GALNT7: variants seen among roughly 807,000 people sequenced by gnomAD.
The protein encoded by GALNT7 is N-acetylgalactosaminyltransferase 7.
Under a neutral mutation model 82.1 loss-of-function variants are expected in GALNT7, and 60 were observed. That is an observed-to-expected ratio of 0.73 (90% CI 0.59 to 0.91). The LOEUF is 0.91. Among genes scored for constraint, GALNT7 ranks in the 40% least tolerant of loss-of-function variants. GALNT7 has a pLI of 0.00. For missense variants in GALNT7, 660 were observed against 804.2 expected (o/e 0.82, Z 2.17); for synonymous variants, 243 against 275.1 (o/e 0.88, Z 1.15).
chr4:173,278,736 A>G (rs1490344038), intron 2 of GALNT7, among the ~76,000 whole-genome samples: 5 of 152,230 alleles, frequency 3.3e-5, no homozygotes, highest in Admixed American at 2.6e-4. Flanking sequence ...TTATACTTTT[A>G]AAGGAATTAT....
chr4:173,208,545 C>T (rs528403962), intron 1 of GALNT7, among the ~76,000 whole-genome samples: 4 of 152,246 alleles, frequency 2.6e-5, no homozygotes, highest in African/African-American at 9.6e-5. Context: ...CCTCCGCACC[C>T]GCAGACTGAG....
intron 1 of GALNT7, among the ~76,000 whole-genome samples, chr4:173,247,473 C>T (rs1038547478): frequency 3.3e-5 from 5 of 151,892 alleles, no homozygotes; most frequent in Admixed American, 6.6e-5. Context: ...TGCATATCCC[C>T]GCCTTGTTCC....
In GALNT7 at chr4:173,298,108, A is replaced by G; in HGVS notation, c.966-7A>G. On this transcript the variant is annotated splice_polypyrimidine_tract_variant and splice_region_variant and intron_variant, in intron 5 of 11. Coordinates refer to ENST00000265000, the MANE Select transcript of GALNT7 (RefSeq NM_017423.3). Reference sequence around the variant, plus strand: ...ATTTGATCTTTGCTGCCATCAACACAATACAGAACCATTTGCACTGTGCCG... The same window carrying G: ...ATTTGATCTTTGCTGCCATCAACACGATACAGAACCATTTGCACTGTGCCG... 2 of 1,613,778 alleles carry G rather than the reference A, an allele frequency of 1.2e-6. No individual in the cohort carries two copies. Among genetic ancestry groups the G allele is most frequent in the Non-Finnish European group, 1.7e-6 (2 of 1,179,824 alleles).
Position 173,248,263 on chromosome 4 carries a change from C to T in GALNT7, c.410C>T (p.Pro137Leu). Residue 137 changes from proline to leucine, a missense_variant, in exon 2 of 12, where the codon CCC becomes CTC. Transcript: ENST00000265000. Reference protein sequence around the residue: ...LRPGILGNFEPKEPEPPGVVG... With the variant: ...LRPGILGNFELKEPEPPGVVG... ...CCAGGGATCCTCGGTAACTTTGAAC[C>T]CAAAGAACCTGAGCCTCCTGGAGTG... 1 of 1,613,936 alleles carries T rather than the reference C, an allele frequency of 6.2e-7. No homozygotes were observed. Among genetic ancestry groups the T allele is most frequent in the Non-Finnish European group, 8.5e-7 (1 of 1,179,882 alleles).
intron 1 of GALNT7, among the ~76,000 whole-genome samples, chr4:173,240,313 A>G (rs1734380921): frequency 6.6e-6 from 1 of 150,690 alleles, no homozygotes; most frequent in Non-Finnish European, 1.5e-5. Context: ...TTACTAATGT[A>G]TCTACTTGAA....
intron 2 of GALNT7, among the ~76,000 whole-genome samples, chr4:173,288,687 A>T (rs1313133147): frequency 2.0e-5 from 3 of 152,100 alleles, no homozygotes; most frequent in African/African-American, 7.2e-5. Flanking sequence ...AAGGAGAAGG[A>T]AACAATCCAA....
intron 1 of GALNT7, among the ~76,000 whole-genome samples, chr4:173,194,785 C>A (rs1239591391): frequency 6.6e-6 from 1 of 152,068 alleles, no homozygotes; most frequent in African/African-American, 2.4e-5. Context: ...GCTTTCCCTC[C>A]CCGCTTCCCC....
intron 1 of GALNT7, among the ~76,000 whole-genome samples, chr4:173,232,302 A>G (rs1734054809): frequency 6.6e-6 from 1 of 152,140 alleles, no homozygotes; most frequent in Non-Finnish European, 1.5e-5. Context: ...ATATACTAGA[A>G]AGCAGTGGTT....
intron 1 of GALNT7, among the ~76,000 whole-genome samples, chr4:173,173,379 G>A (rs1390632391): frequency 6.6e-6 from 1 of 152,110 alleles, no homozygotes; most frequent in East Asian, 1.9e-4. Context: ...TTTATCCCAG[G>A]TTTTAGCCCT....
intron 1 of GALNT7, among the ~76,000 whole-genome samples, chr4:173,237,869 A>G (rs889819719): frequency 6.6e-6 from 1 of 152,160 alleles, no homozygotes. Context: ...TAGCTCTTCT[A>G]GGTACTAAAG....
At chr4:173,173,374 C>T (rs1731938748) in intron 1 of GALNT7, among the ~76,000 whole-genome samples, 1 of 152,000 alleles carries the variant, frequency 6.6e-6, no homozygotes, top group Non-Finnish European at 1.5e-5. Flanking sequence ...CACCATTTAT[C>T]CCAGGTTTTA....
At chr4:173,296,734 G>C (rs1269718515) in intron 5 of GALNT7, among the ~76,000 whole-genome samples, 2 of 152,202 alleles carry the variant, frequency 1.3e-5, no homozygotes, top group African/African-American at 4.8e-5. Context: ...AATCATAAGT[G>C]AGGACAGTTA....
chr4:173,178,345 C>T (rs1732140157), intron 1 of GALNT7, among the ~76,000 whole-genome samples: 3 of 151,858 alleles, frequency 2.0e-5, no homozygotes, highest in African/African-American at 2.4e-5. Flanking sequence ...AAAATGTATG[C>T]TCAGCATTTC....
intron 1 of GALNT7, among the ~76,000 whole-genome samples, chr4:173,198,194 G>C (rs1443808070): frequency 6.6e-6 from 1 of 150,864 alleles, no homozygotes; most frequent in Non-Finnish European, 1.5e-5. Context: ...CAAGTAGCTG[G>C]GACTACAGGT....
chr4:173,203,124 C>G (rs1480339558), intron 1 of GALNT7, among the ~76,000 whole-genome samples: 1 of 150,844 alleles, frequency 6.6e-6, no homozygotes, highest in Non-Finnish European at 1.5e-5. Context: ...GAGACGGAGT[C>G]TCGCTCTGTC....
At chr4:173,306,616 G>A (rs1737164070) in intron 8 of GALNT7, among the ~76,000 whole-genome samples, 1 of 152,120 alleles carries the variant, frequency 6.6e-6, no homozygotes, top group Non-Finnish European at 1.5e-5. Context: ...TGATTATATG[G>A]TTTTTGTCCT....
At chr4:173,170,139 G>T (rs1731809844) in intron 1 of GALNT7, among the ~76,000 whole-genome samples, 1 of 152,132 alleles carries the variant, frequency 6.6e-6, no homozygotes, top group Non-Finnish European at 1.5e-5. Context: ...GCTTCCCCCC[G>T]GATGAACCGT....
intron 1 of GALNT7, among the ~76,000 whole-genome samples, chr4:173,178,057 G>GCA (rs1491342359): frequency 2.0e-4 from 28 of 139,946 alleles, no homozygotes; most frequent in African/African-American, 8.0e-4. Flanking sequence ...GTGTGTGCGC[G>GCA]CACGCGCGTG....
At chr4:173,256,496 C>T (rs916901770) in intron 2 of GALNT7, among the ~76,000 whole-genome samples, 1 of 152,076 alleles carries the variant, frequency 6.6e-6, no homozygotes, top group African/African-American at 2.4e-5. Flanking sequence ...TTTGTGTGGT[C>T]TGGTCATTGT....
Sources: gnomAD v4.1 joint callset for allele counts (sites outside exome capture counted in the v4.1 genomes callset) on GRCh38, gnomAD v4.1.1 for gene constraint, MANE v1.5 for transcripts, NCBI Gene and HGNC (gene_info 2026-07-23, HGNC 2026-07-21) for gene names.